Variants in CSGALNACT1 observed in about 807,000 individuals in gnomAD.
The protein encoded by CSGALNACT1 is beta4GalNAcT-1.
CSGALNACT1 carries 52 observed loss-of-function variants against 51.0 expected under a neutral mutation model. The ratio of observed to expected loss-of-function variants is 1.02; its 90% CI spans 0.82 to 1.29. The LOEUF (loss-of-function observed/expected upper bound fraction) is 1.29. Among genes scored for constraint, CSGALNACT1 ranks in the 50% most tolerant of loss-of-function variants. The pLI, the probability that CSGALNACT1 is intolerant of heterozygous loss-of-function variation, is 0.00. For synonymous variants in CSGALNACT1, 341 were observed against 254.4 expected (o/e 1.34, Z -3.24); for missense variants, 935 against 679.2 (o/e 1.38, Z -4.19).
chr8:19,587,332 A>C (rs2046872064), intron 3 of CSGALNACT1, among the ~76,000 whole-genome samples: 1 of 152,204 alleles, frequency 6.6e-6, no homozygotes, highest in Non-Finnish European at 1.5e-5. Flanking sequence ...AGCTGTAAGC[A>C]AAACTTGGAA....
At chr8:19,482,365 CCAA>C (rs2071646811) in intron 4 of CSGALNACT1, among the ~76,000 whole-genome samples, 1 of 152,144 alleles carries the variant, frequency 6.6e-6, no homozygotes, top group Non-Finnish European at 1.5e-5. Flanking sequence ...GGCTCTGTAA[CCAA>C]CATCAGAGGA....
At chr8:19,472,753 T>G (rs542660809) in intron 4 of CSGALNACT1, among the ~76,000 whole-genome samples, 8 of 152,210 alleles carry the variant, frequency 5.3e-5, no homozygotes, top group Non-Finnish European at 1.2e-4. Flanking sequence ...TTCAAAAAGC[T>G]TATCAACTTT....
At chr8:19,570,914 AAAAC>A (rs1374598198) in intron 3 of CSGALNACT1, among the ~76,000 whole-genome samples, 17 of 152,198 alleles carry the variant, frequency 1.1e-4, no homozygotes, top group South Asian at 2.1e-4. Flanking sequence ...TCCATCTCAA[AAAAC>A]AAACAAACAA....
intron 1 of CSGALNACT1, among the ~76,000 whole-genome samples, chr8:19,627,243 A>T (rs1318712725): frequency 6.6e-6 from 1 of 152,106 alleles, no homozygotes; most frequent in Admixed American, 6.5e-5. Context: ...TAATACACAA[A>T]CCAGATGGAT....
chr8:19,682,150 G>A (rs1013042651), intron 1 of CSGALNACT1, among the ~76,000 whole-genome samples: 2 of 152,132 alleles, frequency 1.3e-5, no homozygotes, highest in African/African-American at 4.8e-5. Context: ...CAGGATGGCA[G>A]TATAGGACCT....
intron 1 of CSGALNACT1, among the ~76,000 whole-genome samples, chr8:19,662,215 C>T (rs1431950914): frequency 6.6e-6 from 1 of 151,764 alleles, no homozygotes; most frequent in East Asian, 1.9e-4. Context: ...GAAACCCCAT[C>T]TCCACTACAA....
At chr8:19,435,233 G>T (rs755347344) in intron 6 of CSGALNACT1, among the ~76,000 whole-genome samples, 2 of 152,150 alleles carry the variant, frequency 1.3e-5, no homozygotes, top group African/African-American at 4.8e-5. Flanking sequence ...GGTTGCTCAC[G>T]CCTGTAATCC....
intron 1 of CSGALNACT1, among the ~76,000 whole-genome samples, chr8:19,707,414 A>G (rs1314733801): frequency 2.6e-5 from 4 of 152,342 alleles, no homozygotes; most frequent in Admixed American, 2.6e-4. Flanking sequence ...ATAATACAGT[A>G]TCAGACATGC....
chr8:19,486,438 G>A (rs1253970216), intron 4 of CSGALNACT1, among the ~76,000 whole-genome samples: 1 of 152,142 alleles, frequency 6.6e-6, no homozygotes, highest in Non-Finnish European at 1.5e-5. Context: ...CCTCACCCGG[G>A]TCTATGAGGC....
chr8:19,626,371 C>G (rs923031235), intron 1 of CSGALNACT1, among the ~76,000 whole-genome samples: 2 of 152,014 alleles, frequency 1.3e-5, no homozygotes, highest in African/African-American at 4.8e-5. Context: ...ACTGGCTATC[C>G]TGAGGCCCAA....
chr8:19,598,017 A>G (rs545692472), intron 2 of CSGALNACT1, among the ~76,000 whole-genome samples: 45 of 152,312 alleles, frequency 3.0e-4, no homozygotes, highest in African/African-American at 8.7e-4. Context: ...GCCTCCCAAG[A>G]TAAGTCTCAG....
intron 4 of CSGALNACT1, among the ~76,000 whole-genome samples, chr8:19,491,110 C>CTACA (rs1285280019): frequency 1.9e-4 from 29 of 151,342 alleles, no homozygotes; most frequent in Admixed American, 9.9e-4. Context: ...CAATGCTTTG[C>CTACA]TACAGTGTTT....
At chr8:19,689,305 G>C (rs1040822239) in intron 1 of CSGALNACT1, among the ~76,000 whole-genome samples, 7 of 152,138 alleles carry the variant, frequency 4.6e-5, no homozygotes, top group Non-Finnish European at 7.4e-5. Context: ...TACATGAAGA[G>C]GGCCATTTGG....
Position 19,706,435 on chromosome 8 carries a change from C to G in CSGALNACT1, c.-297+51415G>C, listed in dbSNP as rs140958683. Among the ~76,000 whole-genome samples the G allele has an allele frequency of 5.0e-3, 757 of 152,262 alleles. 4 individuals carry two copies. Among genetic ancestry groups the G allele is most frequent in the Non-Finnish European group, 8.0e-3 (545 of 68,018 alleles). On this transcript the variant is annotated intron_variant, in intron 1 of 1. Coordinates refer to the CSGALNACT1 transcript ENST00000517494. ...AGAGAGCAGTGGAGCCACGGCAGCC[C>G]ATGAGGTCAAGGAATTGAATAACAC...
In CSGALNACT1 at chr8:19,464,435, G is replaced by A. The variant is rs557354828; in HGVS notation, c.635-5793C>T. Reference sequence around the variant, plus strand: ...GCCTTCAAGATGCTCCGTAATCAGGGCCCCACCTACTGTACTAGTTTCAAG... The same window carrying A: ...GCCTTCAAGATGCTCCGTAATCAGGACCCCACCTACTGTACTAGTTTCAAG... On this transcript the variant is annotated intron_variant, in intron 4 of 9. Coordinates refer to ENST00000454498, the Ensembl canonical transcript of CSGALNACT1. 8.7e-4 allele frequency among the ~76,000 whole-genome samples: 133 copies of A among 152,198 alleles called. 1 individual carries two copies. Among genetic ancestry groups the A allele is most frequent in the African/African-American group, 3.0e-3 (125 of 41,524 alleles).
intron 1 of CSGALNACT1, among the ~76,000 whole-genome samples, chr8:19,735,900 T>A (rs1462683381): frequency 6.6e-6 from 1 of 152,040 alleles, no homozygotes; most frequent in Non-Finnish European, 1.5e-5. Context: ...ATAGAAAAAA[T>A]ACAAAGTACA....
At chr8:19,605,796 G>A (rs572106506), upstream of CSGALNACT1, among the ~76,000 whole-genome samples, 1 of 152,270 alleles carries the variant, frequency 6.6e-6, no homozygotes, top group East Asian at 1.9e-4. Context: ...AAATAAACCT[G>A]CTTTTAATCA....
intron 1 of CSGALNACT1, among the ~76,000 whole-genome samples, chr8:19,666,093 G>C (rs1377957370): frequency 6.6e-6 from 1 of 152,142 alleles, no homozygotes; most frequent in African/African-American, 2.4e-5. Flanking sequence ...TTTAAATCCA[G>C]GCAGACTTCA....
At chr8:19,641,203 C>G (rs985118507) in intron 1 of CSGALNACT1, among the ~76,000 whole-genome samples, 4 of 142,456 alleles carry the variant, frequency 2.8e-5, no homozygotes, top group African/African-American at 7.8e-5. Flanking sequence ...ACAAGACCTT[C>G]AAGTGTTCAA....
Sources: allele counts gnomAD v4.1 joint callset (sites outside exome capture counted in the v4.1 genomes callset), GRCh38; gene constraint gnomAD v4.1.1; transcripts MANE v1.5; gene names NCBI Gene and HGNC (gene_info 2026-07-23, HGNC 2026-07-21).